The following GUCY1B1 variants were observed in gnomAD, a reference collection of about 807,000 sequenced individuals.
GUCY1B1 encodes guanylate cyclase soluble subunit beta-1.
Under a neutral mutation model 71.0 loss-of-function variants are expected in GUCY1B1, and 43 were observed. The ratio of observed to expected loss-of-function variants is 0.61; its 90% CI spans 0.47 to 0.78. The LOEUF (loss-of-function observed/expected upper bound fraction) is 0.78. Among genes scored for constraint, GUCY1B1 ranks in the 30% least tolerant of loss-of-function variants. The pLI is 0.00. For missense variants in GUCY1B1, 535 were observed against 754.1 expected (o/e 0.71, Z 3.40); for synonymous variants, 266 against 259.7 (o/e 1.02, Z -0.23).
chr4:155,792,639 G>T (rs1250678940), intron 5 of GUCY1B1, among the ~76,000 whole-genome samples: 1 of 136,974 alleles, frequency 7.3e-6, no homozygotes, highest in South Asian at 2.3e-4. Context: ...GGGTACTCCT[G>T]AAAAAAAAAA....
At chr4:155,799,421 G>C (rs922844661) in intron 8 of GUCY1B1, among the ~76,000 whole-genome samples, 1 of 151,968 alleles carries the variant, frequency 6.6e-6, no homozygotes, top group Non-Finnish European at 1.5e-5. Flanking sequence ...TTCCAAAAGG[G>C]AAAAATAAGC....
chr4:155,761,020 C>T (rs573026641), intron 2 of GUCY1B1, among the ~76,000 whole-genome samples: 1 of 152,272 alleles, frequency 6.6e-6, no homozygotes, highest in East Asian at 1.9e-4. Context: ...ATATTAAGCA[C>T]GAAAATGTAA....
rs1273007650 is a variant in GUCY1B1, at chr4:155,807,777, A to G, written c.*1368A>G. On this transcript the variant is annotated 3_prime_UTR_variant, in exon 14 of 14. Coordinates refer to ENST00000264424, the MANE Select transcript of GUCY1B1 (RefSeq NM_000857.5). The stretch of plus-strand genomic sequence containing the variant: ...TTTAATACCAACAGAGTGACAGGAA[A>G]TAAAGACTGGGCATGGAAAGGGGAA... Among the ~76,000 whole-genome samples, 1 of 152,174 alleles carries G rather than the reference A, an allele frequency of 6.6e-6. No homozygotes were observed. The highest frequency in any genetic ancestry group is 2.4e-5 in the African/African-American group (1 of 41,478).
chr4:155,805,308 G>A, intron 13 of GUCY1B1, 79 bp downstream of exon 13: 1 of 1,168,044 alleles, frequency 8.6e-7, no homozygotes, highest in Non-Finnish European at 1.2e-6. Flanking sequence ...CACTGAAAAT[G>A]TATTTCATTT....
At chr4:155,784,931 T>A (rs975801443) in intron 4 of GUCY1B1, among the ~76,000 whole-genome samples, 1 of 152,204 alleles carries the variant, frequency 6.6e-6, no homozygotes, top group Non-Finnish European at 1.5e-5. Context: ...TGTGACACTT[T>A]ATTACTCAAA....
chr4:155,802,496 A>C lies in GUCY1B1; in HGVS notation c.1330A>C (p.Met444Leu). The change falls in exon 10 of 14, where the codon ATG becomes CTG. Residue 444 changes from methionine to leucine, a missense_variant. Physicochemically the swap from Met to Leu is conservative, Grantham distance 15. Transcript: ENST00000264424. This position sits in a 1 kb window ranked among gnomAD's most constrained non-coding sequence, Gnocchi z 4.3. Reference protein sequence around the residue: ...CSKHASGEGAMKIVNLLNDLY... With the variant: ...CSKHASGEGALKIVNLLNDLY... ...CAAGCATGCATCTGGAGAAGGAGCC[A>C]TGAAGATCGTCAACCTCCTCAACGA... 1 of 1,613,230 alleles carries C rather than the reference A, an allele frequency of 6.2e-7. No individual in the cohort carries two copies. The highest frequency in any genetic ancestry group is 8.5e-7 in the Non-Finnish European group (1 of 1,179,598).
At chr4:155,778,494 G>A (rs1488888533) in intron 4 of GUCY1B1, among the ~76,000 whole-genome samples, 2 of 152,190 alleles carry the variant, frequency 1.3e-5, no homozygotes, top group Non-Finnish European at 2.9e-5. Flanking sequence ...CCGAAGCCCA[G>A]TTTTGAGGGA....
intron 1 of GUCY1B1, 36 bp from the exon 2 acceptor site, chr4:155,759,751 G>C: frequency 6.6e-7 from 1 of 1,511,832 alleles, no homozygotes; most frequent in Non-Finnish European, 9.2e-7. Flanking sequence ...AGGTACAGCG[G>C]GTCCCTGACG....
At chr4:155,804,809 T>A in intron 12 of GUCY1B1, 62 bp downstream of exon 12, 1 of 1,421,400 alleles carries the variant, frequency 7.0e-7, no homozygotes, top group Non-Finnish European at 9.8e-7. Context: ...GCATGTGGTT[T>A]AATTCTCTGA....
intron 4 of GUCY1B1, among the ~76,000 whole-genome samples, chr4:155,781,876 A>C (rs1738441314): frequency 6.6e-6 from 1 of 152,118 alleles, no homozygotes; most frequent in African/African-American, 2.4e-5. Flanking sequence ...TGTATCAAAA[A>C]GAGAAAAAGA....
chr4:155,790,003 T>C (rs1016981462), intron 5 of GUCY1B1, 92 bp downstream of exon 5: 30 of 814,948 alleles, frequency 3.7e-5, no homozygotes, highest in Non-Finnish European at 4.2e-5. Flanking sequence ...TTATCACTGT[T>C]AGTGCTCTTC....
chr4:155,780,113 C>A (rs142327465), intron 4 of GUCY1B1, among the ~76,000 whole-genome samples: 1 of 152,122 alleles, frequency 6.6e-6, no homozygotes, highest in Non-Finnish European at 1.5e-5. Flanking sequence ...CTCGTCGTAT[C>A]GTTTTCTTGC....
intron 8 of GUCY1B1, among the ~76,000 whole-genome samples, chr4:155,798,001 A>C (rs912753668): frequency 6.6e-6 from 1 of 152,118 alleles, no homozygotes; most frequent in African/African-American, 2.4e-5. Context: ...CTGCCTCTTC[A>C]CAGGTTGAGC....
chr4:155,791,793 G>A (rs1260172582), intron 5 of GUCY1B1, among the ~76,000 whole-genome samples: 1 of 142,754 alleles, frequency 7.0e-6, no homozygotes, highest in Non-Finnish European at 1.5e-5. Context: ...AAAAAACACA[G>A]CATCTATACT....
chr4:155,779,315 C>T (rs1285678696), intron 4 of GUCY1B1, among the ~76,000 whole-genome samples: 5 of 152,182 alleles, frequency 3.3e-5, no homozygotes, highest in Admixed American at 3.3e-4. Flanking sequence ...TGTGTACATA[C>T]ATACATACAC....
chr4:155,759,276 C>G (rs1420908147), intron 1 of GUCY1B1, 133 bp downstream of exon 1: 2 of 839,184 alleles, frequency 2.4e-6, no homozygotes, highest in East Asian at 5.9e-5. Flanking sequence ...GGAGCAGCCT[C>G]ACTCCTTGCC....
At chr4:155,771,558 C>T (rs1737694892) in intron 2 of GUCY1B1, among the ~76,000 whole-genome samples, 1 of 152,164 alleles carries the variant, frequency 6.6e-6, no homozygotes. Flanking sequence ...TAAATTTCTA[C>T]TTATTGTATC....
In GUCY1B1 at chr4:155,785,513, G is replaced by A. The variant is rs145177085; in HGVS notation, c.298-4201G>A. Among the ~76,000 whole-genome samples the A allele has an allele frequency of 1.6e-3, 247 of 152,088 alleles. 2 individuals carry two copies. The highest frequency in any genetic ancestry group is 3.0e-3 in the Non-Finnish European group (201 of 67,968). On this transcript the variant is annotated intron_variant, in intron 4 of 13. Coordinates refer to ENST00000264424, the MANE Select transcript of GUCY1B1 (RefSeq NM_000857.5). ...CAGAATACATTGTTAGAGCAATGTG[G>A]ATGAACTATCATCTTTGTTTAGATA...
intron 2 of GUCY1B1, among the ~76,000 whole-genome samples, chr4:155,774,399 T>C (rs1737900613): frequency 6.7e-6 from 1 of 148,608 alleles, no homozygotes; most frequent in Non-Finnish European, 1.5e-5. Context: ...CAGACTTTCT[T>C]CAAATGCCAG....
Sources: gnomAD v4.1 joint callset for allele counts (sites outside exome capture counted in the v4.1 genomes callset) on GRCh38, gnomAD v4.1.1 for gene constraint, Gnocchi (gnomAD v3.1) non-coding constraint, MANE v1.5 for transcripts, NCBI Gene and HGNC (gene_info 2026-07-23, HGNC 2026-07-21) for gene names.